The following PLXNC1 variants were observed in gnomAD, a reference collection of about 807,000 sequenced individuals.
The protein encoded by PLXNC1 is plexin C1.
PLXNC1 carries 75 observed loss-of-function variants against 178.2 expected under a neutral mutation model. The observed-to-expected ratio is 0.42, with a 90% CI of 0.35 to 0.51. The LOEUF is 0.51. Ranked by LOEUF, PLXNC1 falls within the 20% of genes least tolerant of loss-of-function variation. PLXNC1 has a pLI of 0.02. For missense variants in PLXNC1, 1,503 were observed against 1,984.4 expected (o/e 0.76, Z 4.61); for synonymous variants, 790 against 779.9 (o/e 1.01, Z -0.22).
At chr12:94,285,986 G>A (rs115724486) in intron 23 of PLXNC1, among the ~76,000 whole-genome samples, 1 of 152,338 alleles carries the variant, frequency 6.6e-6, no homozygotes, top group African/African-American at 2.4e-5. Context: ...AGGAGGCAGG[G>A]CAAGTCTCTC....
chr12:94,292,760 A>G (rs1240449742), intron 23 of PLXNC1, among the ~76,000 whole-genome samples: 1 of 152,224 alleles, frequency 6.6e-6, no homozygotes, highest in Admixed American at 6.5e-5. Context: ...ACTGTCACTC[A>G]TGCTATCATG....
At chr12:94,269,194 T>G (rs1763451717) in intron 21 of PLXNC1, among the ~76,000 whole-genome samples, 1 of 152,232 alleles carries the variant, frequency 6.6e-6, no homozygotes, top group African/African-American at 2.4e-5. Flanking sequence ...AAAACGAGCT[T>G]GCCAATCTGC....
intron 4 of PLXNC1, among the ~76,000 whole-genome samples, chr12:94,201,748 C>CCTT (rs1963126122): frequency 1.8e-5 from 1 of 54,422 alleles, no homozygotes; most frequent in Admixed American, 2.7e-4. Context: ...CTTCCCACTA[C>CCTT]TTTTTTTTTT....
At chr12:94,212,302 A>G in intron 5 of PLXNC1, among the ~76,000 whole-genome samples, 1 of 151,338 alleles carries the variant, frequency 6.6e-6, no homozygotes, top group South Asian at 2.1e-4. Flanking sequence ...AAAAAAATAG[A>G]AAAGACACAG....
At position 94,260,973 on chromosome 12, in the gene PLXNC1, C is replaced by G. The variant is rs1964974844; in HGVS notation, c.3450+133C>G. 1.3e-6 allele frequency: 1 copy of G among 764,026 alleles called. No homozygotes were observed. Among genetic ancestry groups the G allele is most frequent in the African/African-American group, 1.7e-5 (1 of 57,170 alleles). The allele number at this position is 764,026 out of a possible 1,614,324, so 47.3% of individuals were successfully genotyped here. On this transcript the variant is annotated intron_variant, in intron 20 of 30. Coordinates refer to ENST00000258526, the MANE Select transcript of PLXNC1 (RefSeq NM_005761.3). This position sits in a 1 kb window ranked among gnomAD's most constrained non-coding sequence, Gnocchi z 4.4. ...GCACTTAACCATGTTTCGTCTTGGT[C>G]CTGACCCAGAACAGAGAGAGGGAAA...
chr12:94,186,510 T>C (rs3751189), intron 4 of PLXNC1, 37 bp downstream of exon 4: 340,867 of 1,393,724 alleles, frequency 0.24, 42,170 homozygotes, highest in African/African-American at 0.32. Context: ...CTCGCATTTT[T>C]GAAAAAGTGT....
intron 11 of PLXNC1, 92 bp from the exon 12 acceptor site, chr12:94,243,846 T>C: frequency 3.4e-6 from 2 of 589,908 alleles, no homozygotes; most frequent in South Asian, 5.2e-5. Flanking sequence ...GGGTTTAATA[T>C]TAAACATGAA....
intron 4 of PLXNC1, among the ~76,000 whole-genome samples, chr12:94,197,579 A>C (rs1962965697): frequency 6.6e-6 from 1 of 152,160 alleles, no homozygotes; most frequent in African/African-American, 2.4e-5. Flanking sequence ...TGTAAAAAAT[A>C]AATTTATTTT....
chr12:94,177,197 AT>A (rs1962113576), intron 2 of PLXNC1, among the ~76,000 whole-genome samples: 2 of 38,816 alleles, frequency 5.2e-5, no homozygotes, highest in South Asian at 6.0e-4. Flanking sequence ...GTATATATAT[AT>A]ACGTATATAT....
At chr12:94,152,800 A>AT (rs1961008514) in intron 1 of PLXNC1, among the ~76,000 whole-genome samples, 3 of 152,024 alleles carry the variant, frequency 2.0e-5, no homozygotes, top group Non-Finnish European at 1.5e-5. Flanking sequence ...ACTGGGTTGT[A>AT]TTTTCCCACT....
intron 12 of PLXNC1, 86 bp from the exon 13 acceptor site, chr12:94,247,812 GAAGTT>G (rs1964572254): frequency 2.7e-6 from 3 of 1,126,784 alleles, no homozygotes; most frequent in Non-Finnish European, 3.9e-6. Flanking sequence ...GAAGCACCAA[GAAGTT>G]AAGTTGCTCA....
rs572349242 is a variant in PLXNC1, at chr12:94,206,125, A to T, written c.1440-3465A>T. On this transcript the variant is annotated intron_variant, in intron 4 of 30. Transcript: ENST00000258526. The stretch of plus-strand genomic sequence containing the variant: ...TAATTATTCAGGGATATTATGGGTT[A>T]CACATATTTCTATGAACCCAGGAAG... Among the ~76,000 whole-genome samples the T allele has an allele frequency of 7.2e-5, 11 of 152,340 alleles. 1 individual carries two copies. The highest frequency in any genetic ancestry group is 2.6e-4 in the African/African-American group (11 of 41,580).
At chr12:94,283,044 T>C (rs116300076) in intron 23 of PLXNC1, among the ~76,000 whole-genome samples, 21 of 152,284 alleles carry the variant, frequency 1.4e-4, no homozygotes, top group African/African-American at 4.8e-4. Flanking sequence ...TTAGCAGTAT[T>C]ATCTGAATCT....
intron 22 of PLXNC1, 147 bp downstream of exon 22, chr12:94,279,796 G>T: frequency 1.3e-6 from 1 of 762,102 alleles, no homozygotes; most frequent in Non-Finnish European, 2.3e-6. Context: ...GGCATGTCTA[G>T]GGGCCAAGAG....
intron 22 of PLXNC1, 162 bp from the exon 23 acceptor site, chr12:94,282,133 GTAA>G (rs956387320): frequency 1.3e-4 from 22 of 173,456 alleles, no homozygotes; most frequent in Non-Finnish European, 2.0e-4. Flanking sequence ...AACAAACAAA[GTAA>G]AACAGAACTC....
chr12:94,201,418 G>A (rs1403950039), intron 4 of PLXNC1, among the ~76,000 whole-genome samples: 1 of 152,110 alleles, frequency 6.6e-6, no homozygotes, highest in African/African-American at 2.4e-5. Context: ...TAAATTTTCT[G>A]TTCCATTTTC....
At chr12:94,187,264 G>A (rs1962551847) in intron 4 of PLXNC1, among the ~76,000 whole-genome samples, 1 of 152,164 alleles carries the variant, frequency 6.6e-6, no homozygotes, top group South Asian at 2.1e-4. Context: ...ATAAGAAAGA[G>A]CAGAGCAGGT....
chr12:94,298,555 T>C (rs1592999400), intron 26 of PLXNC1, 77 bp from the exon 27 acceptor site: 1 of 1,156,830 alleles, frequency 8.6e-7, no homozygotes, highest in East Asian at 2.4e-5. Context: ...TGAATGTGGA[T>C]TTGCTTTTGC....
At chr12:94,257,734 G>T (rs1249545856) in intron 17 of PLXNC1, among the ~76,000 whole-genome samples, 1 of 151,516 alleles carries the variant, frequency 6.6e-6, no homozygotes, top group Admixed American at 6.6e-5. Context: ...GTGAAACCCC[G>T]TCTCTACTAA....
Sources: allele counts gnomAD v4.1 joint callset (sites outside exome capture counted in the v4.1 genomes callset), GRCh38; gene constraint gnomAD v4.1.1; non-coding constraint Gnocchi (gnomAD v3.1); transcripts MANE v1.5; gene names NCBI Gene and HGNC (gene_info 2026-07-23, HGNC 2026-07-21).